Variants in FAM110B observed in about 807,000 individuals in gnomAD.
FAM110B encodes the protein protein FAM110B.
Under a neutral mutation model 20.4 loss-of-function variants are expected in FAM110B, and 6 were observed. That is an observed-to-expected ratio of 0.29 (90% confidence interval 0.16 to 0.58). The LOEUF (loss-of-function observed/expected upper bound fraction) is 0.58. Ranked by LOEUF, FAM110B falls within the 20% of genes least tolerant of loss-of-function variation. The pLI is 0.90. For synonymous variants in FAM110B, 226 were observed against 214.1 expected, an observed-to-expected ratio of 1.06 and a Z score of -0.49; for missense variants, 434 against 498.2, an observed-to-expected ratio of 0.87 and a Z score of 1.23.
Position 57,994,564 on chromosome 8 carries a change from G to C in FAM110B, c.-754G>C, listed in dbSNP as rs1462261333. 6.6e-6 allele frequency: 1 copy of C among 152,362 alleles called. No homozygotes were observed. Among genetic ancestry groups the C allele is most frequent in the Non-Finnish European group, 1.5e-5 (1 of 68,222 alleles). The allele number at this position is 152,362 out of a possible 1,614,324, so 9.4% of individuals were successfully genotyped here. On this transcript the variant is annotated 5_prime_UTR_variant, in exon 1 of 4. Transcript: ENST00000519262. The stretch of plus-strand genomic sequence containing the variant: ...TGCCTGAGCCCTCCCACTCGGTGCA[G>C]ACCGAACCATCGCGGCCGCCGCCAG...
chr8:58,074,780 C>T (rs568167771), intron 2 of FAM110B, among the ~76,000 whole-genome samples: 1 of 152,188 alleles, frequency 6.6e-6, no homozygotes, highest in African/African-American at 2.4e-5. Context: ...GCTGCGGAGC[C>T]CCTCACCTTG....
intron 3 of FAM110B, among the ~76,000 whole-genome samples, chr8:58,133,026 T>TA (rs1207176993): frequency 6.6e-6 from 1 of 151,906 alleles, no homozygotes; most frequent in African/African-American, 2.4e-5. Flanking sequence ...TGGAATCATG[T>TA]AAAAAAAAGT....
At chr8:58,067,193 C>T (rs745353810) in intron 2 of FAM110B, among the ~76,000 whole-genome samples, 4 of 152,212 alleles carry the variant, frequency 2.6e-5, no homozygotes, top group Non-Finnish European at 5.9e-5. Flanking sequence ...CATTTTCAGT[C>T]TCCAGGGTTA....
At chr8:58,122,539 T>C (rs1445896535) in intron 3 of FAM110B, among the ~76,000 whole-genome samples, 1 of 152,200 alleles carries the variant, frequency 6.6e-6, no homozygotes, top group African/African-American at 2.4e-5. Flanking sequence ...GACACTTCTT[T>C]GATATTTCTT....
chr8:58,048,219 C>A (rs1290565848), intron 2 of FAM110B, among the ~76,000 whole-genome samples: 5 of 152,174 alleles, frequency 3.3e-5, no homozygotes, highest in African/African-American at 1.2e-4. Context: ...ATTATCTGTT[C>A]ATATTTTGAG....
chr8:58,128,231 TC>T (rs1356804023), intron 3 of FAM110B, among the ~76,000 whole-genome samples: 2 of 152,118 alleles, frequency 1.3e-5, no homozygotes, highest in African/African-American at 4.8e-5. Context: ...AATTCTCTTG[TC>T]CAGAGTCACA....
intron 3 of FAM110B, among the ~76,000 whole-genome samples, chr8:58,084,590 A>G (rs111805850): frequency 0.051 from 7,767 of 152,134 alleles, 674 homozygotes; most frequent in African/African-American, 0.17. Flanking sequence ...GGGTTTCACC[A>G]TGTTAGCCAG....
At chr8:58,044,253 G>A (rs578257175) in intron 2 of FAM110B, among the ~76,000 whole-genome samples, 3 of 152,162 alleles carry the variant, frequency 2.0e-5, no homozygotes, top group Non-Finnish European at 4.4e-5. Flanking sequence ...ATAGACTACC[G>A]TGGTCATGAT....
chr8:58,077,616 G>A (rs572280996), intron 3 of FAM110B, among the ~76,000 whole-genome samples: 38 of 152,288 alleles, frequency 2.5e-4, no homozygotes, highest in Admixed American at 2.2e-3. Context: ...AAGAAGAACA[G>A]CAAGGCAGTG....
rs777652479 is a variant in FAM110B, at chr8:58,132,956, A to G, written c.-324-12951A>G. Among the ~76,000 whole-genome samples, 129 of 152,346 alleles carry G rather than the reference A, an allele frequency of 8.5e-4. 1 individual carries two copies. The highest frequency in any genetic ancestry group is 1.1e-3 in the Non-Finnish European group (76 of 68,028). On this transcript the variant is annotated intron_variant, in intron 3 of 3. Transcript: ENST00000519262. ...TATTTTTCTTTAGTAAACAAGAGTG[A>G]GAAGCTTAAATGTTAATCAAGATAG...
In FAM110B at chr8:58,004,669, C is replaced by T. The variant is rs184464895; in HGVS notation, c.-512+9863C>T. ...CTGAGGCAGGAGAATTGCTTGAGCC[C>T]GGGAAGCGGAGATTGCAGTGAGCTG... On this transcript the variant is annotated intron_variant, in intron 1 of 3. Coordinates refer to ENST00000519262, the MANE Select transcript of FAM110B (RefSeq NM_001377989.1). Among the ~76,000 whole-genome samples the T allele has an allele frequency of 4.6e-5, 7 of 152,280 alleles. No homozygotes were observed. In the East Asian group the frequency reaches 5.8e-4, roughly 13 times the overall value.
In FAM110B at chr8:58,005,470, T is replaced by C. The variant is rs186131150; in HGVS notation, c.-512+10664T>C. Among the ~76,000 whole-genome samples, 807 of 152,368 alleles carry C rather than the reference T, an allele frequency of 5.3e-3. 18 individuals carry two copies. Among genetic ancestry groups the C allele is most frequent in the Admixed American group, 0.043 (658 of 15,304 alleles). On this transcript the variant is annotated intron_variant, in intron 1 of 3. Coordinates refer to ENST00000519262, the MANE Select transcript of FAM110B (RefSeq NM_001377989.1). ...CAGACCAGAAGTGAGCACATACTTATGGCACTGATGAACTTGTTTGATGCT... is the reference window on the plus strand; with the variant it reads ...CAGACCAGAAGTGAGCACATACTTACGGCACTGATGAACTTGTTTGATGCT...
At chr8:58,020,231 G>A (rs111331418) in intron 1 of FAM110B, among the ~76,000 whole-genome samples, 40 of 152,022 alleles carry the variant, frequency 2.6e-4, no homozygotes, top group African/African-American at 5.5e-4. Flanking sequence ...TATATTTGAC[G>A]TAGTTGTTCT....
At chr8:58,004,615 C>T (rs912203167) in intron 1 of FAM110B, among the ~76,000 whole-genome samples, 7 of 152,150 alleles carry the variant, frequency 4.6e-5, no homozygotes, top group African/African-American at 1.4e-4. Context: ...CCTGGTTGTG[C>T]GTGCCTGTAG....
At chr8:58,053,808 T>C (rs905073021) in intron 2 of FAM110B, among the ~76,000 whole-genome samples, 1 of 152,196 alleles carries the variant, frequency 6.6e-6, no homozygotes, top group Non-Finnish European at 1.5e-5. Context: ...ACTTAAAAAA[T>C]TTTTCTGTTT....
At chr8:58,043,805 G>T (rs574117438) in intron 2 of FAM110B, among the ~76,000 whole-genome samples, 1 of 152,172 alleles carries the variant, frequency 6.6e-6, no homozygotes, top group East Asian at 1.9e-4. Flanking sequence ...GGTAGGTTCT[G>T]TTATTATGCC....
At chr8:58,040,386 T>C (rs1293532173) in intron 2 of FAM110B, among the ~76,000 whole-genome samples, 1 of 152,238 alleles carries the variant, frequency 6.6e-6, no homozygotes, top group Non-Finnish European at 1.5e-5. Flanking sequence ...CCAGTGAGCA[T>C]GTGCCATATG....
intron 1 of FAM110B, chr8:58,031,324 T>G (rs1804957569): frequency 6.6e-6 from 1 of 152,208 alleles, no homozygotes; most frequent in South Asian, 2.1e-4. Flanking sequence ...TATGAAGCAG[T>G]GCAAAGCCGG....
intron 3 of FAM110B, among the ~76,000 whole-genome samples, chr8:58,098,158 C>G (rs1428694011): frequency 6.6e-6 from 1 of 152,248 alleles, no homozygotes; most frequent in Non-Finnish European, 1.5e-5. Context: ...CCCCTTCCCC[C>G]AGGTGTTCTG....
Sources: allele counts gnomAD v4.1 joint callset (sites outside exome capture counted in the v4.1 genomes callset), GRCh38; gene constraint gnomAD v4.1.1; transcripts MANE v1.5; gene names NCBI Gene and HGNC (gene_info 2026-07-23, HGNC 2026-07-21).